Variants in DEPDC1B observed in about 807,000 individuals in gnomAD.
DEPDC1B encodes DEP domain containing 1B.
DEPDC1B carries 51 observed loss-of-function variants against 66.5 expected under a neutral mutation model. The ratio of observed to expected loss-of-function variants is 0.77; its 90% CI spans 0.61 to 0.97. The LOEUF (loss-of-function observed/expected upper bound fraction) is 0.97. DEPDC1B is among the 50% of genes least tolerant of loss of function. The pLI, the probability that DEPDC1B is intolerant of heterozygous loss-of-function variation, is 0.00. For missense variants in DEPDC1B, 552 were observed against 637.1 expected, an observed-to-expected ratio of 0.87 and a Z score of 1.44; for synonymous variants, 226 against 223.6, an observed-to-expected ratio of 1.01 and a Z score of -0.10.
chr5:60,699,945 G>A, intron 1 of DEPDC1B, 101 bp downstream of exon 1: 2 of 1,409,418 alleles, frequency 1.4e-6, no homozygotes, highest in Non-Finnish European at 1.9e-6. Context: ...CCCGAGCCCC[G>A]CTGGCCTGCG....
rs1754441420 is a variant in DEPDC1B at position 60,687,244 on chromosome 5, G to T, written c.49-17C>A. Reference sequence around the variant, plus strand: ...CTCATTCCACTAGGGGAAAGAAAGAGAATGGCATTTAGTAATCAACTGATT... The same window carrying T: ...CTCATTCCACTAGGGGAAAGAAAGATAATGGCATTTAGTAATCAACTGATT... On this transcript the variant is annotated splice_polypyrimidine_tract_variant and intron_variant, in intron 1 of 10. Coordinates refer to ENST00000265036, the MANE Select transcript of DEPDC1B (RefSeq NM_018369.3). 6.3e-7 allele frequency: 1 copy of T among 1,589,442 alleles called. No homozygotes were observed.
At chr5:60,626,668 C>G (rs904644790) in intron 7 of DEPDC1B, among the ~76,000 whole-genome samples, 2 of 152,126 alleles carry the variant, frequency 1.3e-5, no homozygotes, top group Admixed American at 1.3e-4. Flanking sequence ...AATACCTACT[C>G]TTGCTACATA....
chr5:60,614,556 CT>C (rs893031286), intron 7 of DEPDC1B, among the ~76,000 whole-genome samples: 33 of 151,944 alleles, frequency 2.2e-4, no homozygotes, highest in South Asian at 1.3e-3. Flanking sequence ...AATCTCTTCT[CT>C]TTTTTTTAAT....
rs753946184 is a variant in DEPDC1B at position 60,677,324 on chromosome 5, A to ACT, written c.314+9637_314+9638insAG. On this transcript the variant is annotated intron_variant, in intron 2 of 10. Transcript: ENST00000265036. Reference sequence around the variant, plus strand: ...CACACACACACACACACACACACACACACTCTCTCTCTCTCTCTCTCTCTC... The same window carrying ACT: ...CACACACACACACACACACACACACACTCACTCTCTCTCTCTCTCTCTCTCTC... Among the ~76,000 whole-genome samples the ACT allele has an allele frequency of 3.5e-3, 275 of 78,778 alleles. 1 individual carries two copies. The highest frequency in any genetic ancestry group is 0.015 in the East Asian group (54 of 3,658). 51.7% of individuals were successfully genotyped at this position (78,778 alleles called of 152,430 possible). A position where few individuals can be genotyped will look rare whatever the true frequency, so the allele number is the denominator to read the frequency against.
chr5:60,699,682 C>G (rs948397982), intron 1 of DEPDC1B, among the ~76,000 whole-genome samples: 1 of 152,106 alleles, frequency 6.6e-6, no homozygotes, highest in African/African-American at 2.4e-5. Context: ...GAACGCTGAG[C>G]GTTACGGGGT....
chr5:60,603,826 C>CATATATATAT (rs34747463), intron 8 of DEPDC1B, among the ~76,000 whole-genome samples: 3,329 of 146,022 alleles, frequency 0.023, 50 homozygotes, highest in African/African-American at 0.048. Context: ...TTTAAATATA[C>CATATATATAT]ATATATATAT....
At chr5:60,629,018 G>A (rs570251450) in intron 7 of DEPDC1B, among the ~76,000 whole-genome samples, 102 of 152,262 alleles carry the variant, frequency 6.7e-4, no homozygotes, top group African/African-American at 2.3e-3. Flanking sequence ...CGACTGAGGG[G>A]GTGCCATGGC....
intron 7 of DEPDC1B, among the ~76,000 whole-genome samples, chr5:60,626,945 T>C (rs562085531): frequency 6.6e-6 from 1 of 152,232 alleles, no homozygotes; most frequent in East Asian, 1.9e-4. Context: ...ATCAAAGAGA[T>C]ACATGGGAAA....
At chr5:60,615,894 G>A (rs534164331) in intron 7 of DEPDC1B, among the ~76,000 whole-genome samples, 1 of 152,314 alleles carries the variant, frequency 6.6e-6, no homozygotes, top group East Asian at 1.9e-4. Context: ...GCACCCCGCA[G>A]TAGGGGCTGA....
rs869142199 is a variant in DEPDC1B, at chr5:60,604,218, C to CTTT, written c.1066-654_1066-652dup. 1.2e-3 allele frequency among the ~76,000 whole-genome samples: 85 copies of CTTT among 68,948 alleles called. 11 individuals carry two copies. The East Asian group carries it at 0.023, about 19-fold the overall frequency. The allele number at this position is 68,948 out of a possible 152,430, so 45.2% of individuals were successfully genotyped here. A position where few individuals can be genotyped will look rare whatever the true frequency, so the allele number is the denominator to read the frequency against. The stretch of plus-strand genomic sequence containing the variant: ...TTCCATAGAATTGAAATTAACTATT[C>CTTT]TTTTTTTTTTTTTTTTTTTTTTTAC... On this transcript the variant is annotated intron_variant, in intron 8 of 10. Transcript: ENST00000265036.
intron 2 of DEPDC1B, 69 bp downstream of exon 2, chr5:60,686,893 C>T: frequency 6.3e-7 from 1 of 1,576,220 alleles, no homozygotes; most frequent in South Asian, 1.2e-5. Context: ...CAGGAAGCTT[C>T]AACAGACTTG....
intron 8 of DEPDC1B, among the ~76,000 whole-genome samples, chr5:60,604,557 CTTTTG>C (rs1392978099): frequency 6.6e-6 from 1 of 151,986 alleles, no homozygotes; most frequent in South Asian, 2.1e-4. Context: ...TTTGGACTGG[CTTTTG>C]TTTTGTTTTG....
intron 7 of DEPDC1B, among the ~76,000 whole-genome samples, chr5:60,638,528 CA>C (rs1753112610): frequency 6.6e-6 from 1 of 152,102 alleles, no homozygotes; most frequent in South Asian, 2.1e-4. Flanking sequence ...TCTTAAGAAA[CA>C]AAAACTACTG....
At chr5:60,605,396 C>A (rs1216449519) in intron 8 of DEPDC1B, among the ~76,000 whole-genome samples, 1 of 152,148 alleles carries the variant, frequency 6.6e-6, no homozygotes, top group African/African-American at 2.4e-5. Context: ...TGAATTAAAA[C>A]ATCACATATG....
In DEPDC1B at chr5:60,597,846, A is replaced by G. The variant is rs987101234; in HGVS notation, c.1497T>C (p.Phe499=). ...GTGGTTTCGGTTTGGGTTTTTCAGG[A>G]AACAGAAGTGCTGCACTTTCTGGTG... ...FPTPESAALL[F]PEKPKPKPQL... is the part of the protein sequence containing the mutation. The change falls in exon 11 of 11, where the codon TTT becomes TTC. Residue 499 remains phenylalanine (F), a synonymous_variant. Transcript: ENST00000265036. 8 of 1,613,348 alleles carry G rather than the reference A, an allele frequency of 5.0e-6. No individual in the cohort carries two copies. In the African/African-American group the frequency reaches 9.3e-5, roughly 19 times the overall value.
Position 60,641,831 on chromosome 5 carries a change from C to G in DEPDC1B, c.757+981G>C, listed in dbSNP as rs554877979. 2.1e-4 allele frequency among the ~76,000 whole-genome samples: 32 copies of G among 152,218 alleles called. No homozygotes were observed. The South Asian group carries it at 6.2e-3, about 30-fold the overall frequency. ...CATCTCAGAGGCTCCAAATTTTAAC[C>G]AAAAACCAATGAAAATGTTAACAGT... On this transcript the variant is annotated intron_variant, in intron 6 of 10. Coordinates refer to ENST00000265036, the MANE Select transcript of DEPDC1B (RefSeq NM_018369.3).
chr5:60,654,038 T>C (rs1753520208), intron 2 of DEPDC1B, among the ~76,000 whole-genome samples: 1 of 149,506 alleles, frequency 6.7e-6, no homozygotes, highest in Admixed American at 6.6e-5. Context: ...TCAGGCAATG[T>C]AATACTTCCA....
chr5:60,658,843 T>C (rs1584073960), intron 2 of DEPDC1B, among the ~76,000 whole-genome samples: 1 of 152,178 alleles, frequency 6.6e-6, no homozygotes, highest in Non-Finnish European at 1.5e-5. Context: ...TCCATGTTTG[T>C]TACGGCTCAA....
At position 60,667,613 on chromosome 5, in the gene DEPDC1B, AT is replaced by A. The variant is rs1233737326; in HGVS notation, c.314+19348del. Among the ~76,000 whole-genome samples the A allele has an allele frequency of 9.1e-5, 13 of 142,714 alleles. 1 individual carries two copies. The highest frequency in any genetic ancestry group is 1.5e-4 in the Non-Finnish European group (10 of 66,692). The allele number at this position is 142,714 out of a possible 152,430, so 93.6% of individuals were successfully genotyped here. On this transcript the variant is annotated intron_variant, in intron 2 of 10. Coordinates refer to ENST00000265036, the MANE Select transcript of DEPDC1B (RefSeq NM_018369.3). Reference sequence around the variant, plus strand: ...ATAAAAATGGATATTTTACATATATATAAAAAATGGATATTTTACATATATG... The same window carrying A: ...ATAAAAATGGATATTTTACATATATAAAAAAATGGATATTTTACATATATG...
Sources: gnomAD v4.1 joint callset for allele counts (sites outside exome capture counted in the v4.1 genomes callset) on GRCh38, gnomAD v4.1.1 for gene constraint, MANE v1.5 for transcripts, NCBI Gene and HGNC (gene_info 2026-07-23, HGNC 2026-07-21) for gene names.